Variants in KCNH5 observed in about 807,000 individuals in gnomAD.
KCNH5 encodes voltage-gated delayed rectifier potassium channel KCNH5.
In KCNH5, 46 loss-of-function variants were observed where a neutral mutation model predicts 96.1. The ratio of observed to expected loss-of-function variants is 0.48; its 90% CI spans 0.38 to 0.61. The LOEUF is 0.61. Ranked by LOEUF, KCNH5 falls within the 20% of genes least tolerant of loss-of-function variation. KCNH5 has a pLI of 0.00. For missense variants in KCNH5, 907 were observed against 1,225.8 expected, an observed-to-expected ratio of 0.74 and a Z score of 3.88; for synonymous variants, 439 against 449.8, an observed-to-expected ratio of 0.98 and a Z score of 0.30.
intron 7 of KCNH5, among the ~76,000 whole-genome samples, chr14:62,867,208 T>C (rs1022029541): frequency 6.6e-6 from 1 of 152,108 alleles, no homozygotes; most frequent in Non-Finnish European, 1.5e-5. Flanking sequence ...CTGCAAAAGG[T>C]AGAGAAGCAC....
intron 10 of KCNH5, among the ~76,000 whole-genome samples, chr14:62,767,845 T>G (rs1051912062): frequency 6.6e-6 from 1 of 152,190 alleles, no homozygotes; most frequent in Non-Finnish European, 1.5e-5. Context: ...AAATGTGATA[T>G]GTATACACAC....
chr14:62,910,097 T>C (rs571745335), intron 7 of KCNH5, among the ~76,000 whole-genome samples: 3 of 151,282 alleles, frequency 2.0e-5, no homozygotes, highest in African/African-American at 4.9e-5. Context: ...AATTGAAAAA[T>C]AGTTCCAGAT....
At chr14:62,838,776 C>A (rs1887516339) in intron 8 of KCNH5, among the ~76,000 whole-genome samples, 1 of 152,094 alleles carries the variant, frequency 6.6e-6, no homozygotes, top group African/African-American at 2.4e-5. Context: ...TCTTACAGCC[C>A]AGTGTCTGTA....
chr14:62,769,760 G>A (rs576002447), intron 10 of KCNH5, among the ~76,000 whole-genome samples: 24 of 152,316 alleles, frequency 1.6e-4, no homozygotes, highest in South Asian at 8.3e-4. Context: ...GCTGGGCAGC[G>A]TGACAGATTC....
intron 7 of KCNH5, among the ~76,000 whole-genome samples, chr14:62,936,656 T>C (rs1163988253): frequency 5.1e-5 from 6 of 118,264 alleles, no homozygotes; most frequent in Admixed American, 3.3e-4. Context: ...GCCTTGGTGA[T>C]AGAGCGAGAC....
intron 7 of KCNH5, among the ~76,000 whole-genome samples, chr14:62,857,142 CTA>C (rs1721821884): frequency 1.3e-5 from 2 of 152,166 alleles, no homozygotes; most frequent in South Asian, 4.1e-4. Context: ...ATGGCAATGA[CTA>C]TTGATATTAT....
intron 10 of KCNH5, among the ~76,000 whole-genome samples, chr14:62,776,880 C>G (rs1886108622): frequency 6.6e-6 from 1 of 152,094 alleles, no homozygotes; most frequent in Non-Finnish European, 1.5e-5. Context: ...CATGGAAAGC[C>G]ACACACTATT....
intron 10 of KCNH5, among the ~76,000 whole-genome samples, chr14:62,720,675 C>T (rs558500204): frequency 7.3e-5 from 11 of 151,542 alleles, no homozygotes; most frequent in African/African-American, 2.7e-4. Context: ...TGAGAAGCAG[C>T]TTCAGATTTA....
chr14:62,861,030 T>C (rs1191845997), intron 7 of KCNH5, among the ~76,000 whole-genome samples: 1 of 152,202 alleles, frequency 6.6e-6, no homozygotes, highest in Non-Finnish European at 1.5e-5. Context: ...AAATGAAGCC[T>C]TTTTTGTGAC....
intron 3 of KCNH5, among the ~76,000 whole-genome samples, chr14:63,002,794 AG>A (rs1480878612): frequency 2.0e-5 from 3 of 152,182 alleles, no homozygotes; most frequent in Non-Finnish European, 2.9e-5. Flanking sequence ...CTGCAACCCC[AG>A]GGGGCCTATG....
At chr14:62,864,874 A>T (rs1390540005) in intron 7 of KCNH5, among the ~76,000 whole-genome samples, 1 of 152,180 alleles carries the variant, frequency 6.6e-6, no homozygotes, top group East Asian at 1.9e-4. Flanking sequence ...AAACTGTTTT[A>T]CAATCCCTGC....
intron 7 of KCNH5, among the ~76,000 whole-genome samples, chr14:62,853,218 A>G (rs1460359941): frequency 6.6e-6 from 1 of 151,784 alleles, no homozygotes; most frequent in Non-Finnish European, 1.5e-5. Flanking sequence ...CACTACCTCT[A>G]CCAGCATCCT....
chr14:62,908,130 A>G (rs962313046), intron 7 of KCNH5, among the ~76,000 whole-genome samples: 4 of 152,224 alleles, frequency 2.6e-5, no homozygotes, highest in Middle Eastern at 3.2e-3. Context: ...GTATAACAGT[A>G]TATTTCATTT....
chr14:62,905,024 T>G (rs1321269354), intron 7 of KCNH5, among the ~76,000 whole-genome samples: 2 of 152,218 alleles, frequency 1.3e-5, no homozygotes, highest in African/African-American at 2.4e-5. Flanking sequence ...ATCAGTGTAT[T>G]TCTTCAGTAT....
intron 10 of KCNH5, chr14:62,712,515 G>A: frequency 1.6e-6 from 1 of 639,390 alleles, no homozygotes; most frequent in African/African-American, 1.8e-5. Context: ...TCACACAACT[G>A]TGTGTCCAGG....
At chr14:62,901,113 T>G (rs1470301686) in intron 7 of KCNH5, among the ~76,000 whole-genome samples, 1 of 152,098 alleles carries the variant, frequency 6.6e-6, no homozygotes, top group Non-Finnish European at 1.5e-5. Flanking sequence ...CTCAGCCTCC[T>G]AAATAGCTGG....
intron 7 of KCNH5, among the ~76,000 whole-genome samples, chr14:62,875,887 T>C (rs189383951): frequency 6.6e-6 from 1 of 152,094 alleles, no homozygotes; most frequent in African/African-American, 2.4e-5. Flanking sequence ...TAAGAAATGT[T>C]GGCCTGGTGC....
At position 62,730,973 on chromosome 14, in the gene KCNH5, G is replaced by A. The variant is rs189461857; in HGVS notation, c.2020-22518C>T. ...TTATTTGTAAAAAATAGCATTTGTAGGATATTGAAAATTATAATTGGCTAC... is the reference window on the plus strand; with the variant it reads ...TTATTTGTAAAAAATAGCATTTGTAAGATATTGAAAATTATAATTGGCTAC... On this transcript the variant is annotated intron_variant, in intron 10 of 10. Coordinates refer to ENST00000322893, the MANE Select transcript of KCNH5 (RefSeq NM_139318.5). 1.7e-3 allele frequency among the ~76,000 whole-genome samples: 261 copies of A among 152,224 alleles called. 2 individuals carry two copies. Among genetic ancestry groups the A allele is most frequent in the African/African-American group, 6.2e-3 (256 of 41,534 alleles).
chr14:62,987,224 C>T, intron 4 of KCNH5, 37 bp from the exon 5 acceptor site: 2 of 1,406,278 alleles, frequency 1.4e-6, no homozygotes, highest in Non-Finnish European at 2.0e-6. Context: ...GTTTTTCATA[C>T]AAATGAATAA....
Sources: gnomAD v4.1 joint callset for allele counts (sites outside exome capture counted in the v4.1 genomes callset) on GRCh38, gnomAD v4.1.1 for gene constraint, MANE v1.5 for transcripts, NCBI Gene and HGNC (gene_info 2026-07-23, HGNC 2026-07-21) for gene names.